Variants in LRP1B observed in about 807,000 individuals in gnomAD.
LRP1B encodes low-density lipoprotein receptor-related protein 1B.
Under a neutral mutation model 556.6 loss-of-function variants are expected in LRP1B, and 217 were observed. The observed-to-expected ratio is 0.39, with a 90% CI of 0.35 to 0.44. LRP1B has a LOEUF of 0.44. LRP1B is among the 20% of genes least tolerant of loss of function. The probability of loss-of-function intolerance (pLI) is 1.00; values close to 1 mark genes in which losing one functional copy is unlikely to be tolerated. For synonymous variants in LRP1B, 2,047 were observed against 1,865.8 expected, an observed-to-expected ratio of 1.10 and a Z score of -2.50; for missense variants, 5,053 against 5,620.8, an observed-to-expected ratio of 0.90 and a Z score of 3.23.
intron 7 of LRP1B, among the ~76,000 whole-genome samples, chr2:141,110,639 T>A (rs905440143): frequency 1.9e-5 from 1 of 51,336 alleles, no homozygotes. Context: ...GTAATCATGA[T>A]TTTTTTTTTT....
At chr2:140,678,270 G>A (rs1216202821) in intron 41 of LRP1B, among the ~76,000 whole-genome samples, 1 of 152,158 alleles carries the variant, frequency 6.6e-6, no homozygotes, top group Non-Finnish European at 1.5e-5. Context: ...GAAATTACGG[G>A]ATTATATATG....
chr2:141,939,152 A>G (rs185767741), intron 1 of LRP1B, among the ~76,000 whole-genome samples: 1 of 152,208 alleles, frequency 6.6e-6, no homozygotes, highest in Admixed American at 6.5e-5. Context: ...ACTACAAAAA[A>G]AAACTATGTG....
At chr2:141,473,800 C>T (rs1048335508) in intron 3 of LRP1B, among the ~76,000 whole-genome samples, 1 of 147,170 alleles carries the variant, frequency 6.8e-6, no homozygotes, top group Non-Finnish European at 1.5e-5. Context: ...CTTACTATAA[C>T]ATTGCAAGTG....
intron 1 of LRP1B, among the ~76,000 whole-genome samples, chr2:142,050,747 G>C (rs1449504): frequency 0.43 from 65,485 of 151,838 alleles, 16,038 homozygotes; most frequent in East Asian, 0.69. Flanking sequence ...TATATATTGA[G>C]GATACTACCA....
rs1573993274 is a variant in LRP1B at position 140,486,202 on chromosome 2, T to C, written c.9244-678A>G. The stretch of plus-strand genomic sequence containing the variant: ...TGAATTCCCAGTACTTTTAGAAATA[T>C]GTCAAATAAAACTTGAAGCTATATA... On this transcript the variant is annotated intron_variant, in intron 58 of 90. Coordinates refer to ENST00000389484, the MANE Select transcript of LRP1B (RefSeq NM_018557.3). 3.3e-5 allele frequency among the ~76,000 whole-genome samples: 5 copies of C among 152,152 alleles called. No individual in the cohort carries two copies. The South Asian group carries it at 1.0e-3, about 32-fold the overall frequency.
intron 2 of LRP1B, among the ~76,000 whole-genome samples, chr2:141,531,178 T>C (rs968818634): frequency 6.6e-6 from 1 of 152,110 alleles, no homozygotes; most frequent in Admixed American, 6.6e-5. Flanking sequence ...AGAGTTACTC[T>C]ACAAATAATT....
At chr2:140,470,532 C>A (rs1687718915) in intron 60 of LRP1B, among the ~76,000 whole-genome samples, 1 of 151,368 alleles carries the variant, frequency 6.6e-6, no homozygotes, top group Admixed American at 6.6e-5. Context: ...GTAGTCCCAG[C>A]CCCTCGGGAG....
chr2:141,776,625 A>T (rs986266831), intron 2 of LRP1B, among the ~76,000 whole-genome samples: 1 of 152,182 alleles, frequency 6.6e-6, no homozygotes, highest in Non-Finnish European at 1.5e-5. Context: ...ATGGCTTCAT[A>T]AAAAAGAGCA....
At chr2:141,871,665 T>A (rs1032823069) in intron 1 of LRP1B, among the ~76,000 whole-genome samples, 1 of 151,972 alleles carries the variant, frequency 6.6e-6, no homozygotes, top group Admixed American at 6.6e-5. Flanking sequence ...CTAAATTGTA[T>A]AAGACTATTT....
At chr2:141,732,222 C>A (rs763853758) in intron 2 of LRP1B, among the ~76,000 whole-genome samples, 5 of 152,132 alleles carry the variant, frequency 3.3e-5, no homozygotes, top group Non-Finnish European at 7.3e-5. Flanking sequence ...TTGGTAGCTA[C>A]AACGTTGGGG....
At position 141,088,568 on chromosome 2, in the gene LRP1B, C is replaced by T. The variant is rs905991282; in HGVS notation, c.1014-26295G>A. On this transcript the variant is annotated intron_variant, in intron 7 of 90. Coordinates refer to ENST00000389484, the MANE Select transcript of LRP1B (RefSeq NM_018557.3). The stretch of plus-strand genomic sequence containing the variant: ...GGGCCACAGGCAGATATTTATGATA[C>T]GGGTGAGGCACTTATATTTCCTCCA... 7.9e-5 allele frequency among the ~76,000 whole-genome samples: 12 copies of T among 152,136 alleles called. No individual in the cohort carries two copies. The South Asian group carries it at 1.4e-3, about 18-fold the overall frequency.
At chr2:142,085,106 A>G (rs932646759) in intron 1 of LRP1B, among the ~76,000 whole-genome samples, 5 of 152,182 alleles carry the variant, frequency 3.3e-5, no homozygotes, top group Non-Finnish European at 5.9e-5. Flanking sequence ...ATTCTTATTT[A>G]CTTCATTGAA....
chr2:141,160,592 G>A (rs1247008833), intron 7 of LRP1B, among the ~76,000 whole-genome samples: 1 of 151,792 alleles, frequency 6.6e-6, no homozygotes, highest in Non-Finnish European at 1.5e-5. Context: ...CACCACTGAT[G>A]TACACAAAAA....
intron 7 of LRP1B, among the ~76,000 whole-genome samples, chr2:141,179,364 T>C (rs541184619): frequency 2.0e-4 from 31 of 152,162 alleles, no homozygotes; most frequent in African/African-American, 7.2e-4. Context: ...CTTTTTAATC[T>C]CATTTTATTC....
intron 2 of LRP1B, among the ~76,000 whole-genome samples, chr2:141,571,474 A>G (rs1266419887): frequency 6.6e-6 from 1 of 151,308 alleles, no homozygotes; most frequent in Non-Finnish European, 1.5e-5. Flanking sequence ...ATAAGAAAAA[A>G]AAATCAAAGA....
intron 7 of LRP1B, chr2:141,167,218 G>A (rs1365669327): frequency 2.0e-5 from 3 of 151,664 alleles, no homozygotes; most frequent in Admixed American, 6.6e-5. Flanking sequence ...ATCATTTCAC[G>A]CTCAAACACA....
chr2:141,280,266 C>A (rs1453195562), intron 3 of LRP1B, among the ~76,000 whole-genome samples: 1 of 152,074 alleles, frequency 6.6e-6, no homozygotes, highest in African/African-American at 2.4e-5. Context: ...TGCAAACAGT[C>A]CAGCTTCCAT....
intron 1 of LRP1B, among the ~76,000 whole-genome samples, chr2:141,959,369 C>T (rs1385085537): frequency 6.6e-6 from 1 of 151,948 alleles, no homozygotes; most frequent in East Asian, 1.9e-4. Context: ...TTGTCACATA[C>T]TAATGAAATA....
chr2:141,347,501 A>C (rs1688296784), intron 3 of LRP1B, among the ~76,000 whole-genome samples: 1 of 152,016 alleles, frequency 6.6e-6, no homozygotes, highest in African/African-American at 2.4e-5. Context: ...CTATAAGAAA[A>C]ATAATTTAAA....
Sources: allele counts gnomAD v4.1 joint callset (sites outside exome capture counted in the v4.1 genomes callset), GRCh38; gene constraint gnomAD v4.1.1; transcripts MANE v1.5; gene names NCBI Gene and HGNC (gene_info 2026-07-23, HGNC 2026-07-21).